The following PDLIM1 variants were observed in gnomAD, a reference collection of about 807,000 sequenced individuals.
The protein encoded by PDLIM1 is PDZ and LIM domain protein 1.
Under a neutral mutation model 35.2 loss-of-function variants are expected in PDLIM1, and 25 were observed. The observed-to-expected ratio is 0.71, with a 90% confidence interval of 0.52 to 0.99. The LOEUF (loss-of-function observed/expected upper bound fraction) is 0.99. Ranked by LOEUF, PDLIM1 falls within the 50% of genes least tolerant of loss-of-function variation. PDLIM1 has a pLI of 0.00. For missense variants in PDLIM1, 363 were observed against 415.3 expected, an observed-to-expected ratio of 0.87 and a Z score of 1.09; for synonymous variants, 152 against 154.0, an observed-to-expected ratio of 0.99 and a Z score of 0.10.
At chr10:95,274,309 T>TC (rs1325353766) in intron 1 of PDLIM1, among the ~76,000 whole-genome samples, 1 of 151,530 alleles carries the variant, frequency 6.6e-6, no homozygotes, top group Non-Finnish European at 1.5e-5. Context: ...TTTTTTTTTT[T>TC]TGAGACGGAG....
chr10:95,269,247 T>G (rs1036632314), intron 2 of PDLIM1, among the ~76,000 whole-genome samples: 4 of 152,220 alleles, frequency 2.6e-5, no homozygotes, highest in East Asian at 1.9e-4. Flanking sequence ...ATAACCAACT[T>G]ATTTGTGAAG....
At chr10:95,272,114 T>A (rs896607768) in intron 1 of PDLIM1, among the ~76,000 whole-genome samples, 1 of 152,146 alleles carries the variant, frequency 6.6e-6, no homozygotes, top group Non-Finnish European at 1.5e-5. Context: ...CTCCAACTAG[T>A]GTATTACTGA....
intron 3 of PDLIM1, among the ~76,000 whole-genome samples, chr10:95,266,385 G>A (rs1050894183): frequency 5.9e-5 from 9 of 152,028 alleles, no homozygotes; most frequent in South Asian, 2.1e-4. Flanking sequence ...TACATGTGCC[G>A]CAGCCAGGAT....
intron 1 of PDLIM1, among the ~76,000 whole-genome samples, chr10:95,282,714 C>T (rs770160186): frequency 2.6e-5 from 4 of 152,264 alleles, no homozygotes; most frequent in African/African-American, 7.2e-5. Flanking sequence ...CCGAGATGGG[C>T]GGATCACTTG....
At chr10:95,288,753 ACT>A (rs1436996047) in intron 1 of PDLIM1, among the ~76,000 whole-genome samples, 1 of 152,198 alleles carries the variant, frequency 6.6e-6, no homozygotes, top group African/African-American at 2.4e-5. Context: ...CAAATAAATT[ACT>A]GTCAGCATGA....
At chr10:95,269,465 G>A (rs1007419332) in intron 2 of PDLIM1, among the ~76,000 whole-genome samples, 1 of 151,704 alleles carries the variant, frequency 6.6e-6, no homozygotes, top group Non-Finnish European at 1.5e-5. Context: ...CCAGCTACTC[G>A]GGAGGCTGAG....
At chr10:95,258,895 C>G (rs745397621) in intron 4 of PDLIM1, among the ~76,000 whole-genome samples, 7 of 152,006 alleles carry the variant, frequency 4.6e-5, no homozygotes, top group African/African-American at 1.7e-4. Context: ...CCTATCGATA[C>G]AAAAACCTAA....
intron 1 of PDLIM1, among the ~76,000 whole-genome samples, chr10:95,276,896 TAAAAAAAAAAAAAA>T (rs61442624): frequency 2.9e-5 from 2 of 68,878 alleles, no homozygotes; most frequent in Admixed American, 2.2e-4. Context: ...TTCAGTTTCC[TAAAAAAAAAAAAAA>T]AAAAAAAAAA....
chr10:95,269,504 A>G (rs1484933129), intron 2 of PDLIM1, among the ~76,000 whole-genome samples: 1 of 150,314 alleles, frequency 6.7e-6, no homozygotes, highest in East Asian at 2.0e-4. Flanking sequence ...CCCAGGAGGC[A>G]GAGGTTGCAG....
At chr10:95,263,717 T>TCTC in intron 4 of PDLIM1, 147 bp downstream of exon 4, 2 of 606,046 alleles carry the variant, frequency 3.3e-6, no homozygotes, top group South Asian at 2.1e-5. Context: ...TTTGTGTAGA[T>TCTC]GAAGAAAATG....
intron 1 of PDLIM1, among the ~76,000 whole-genome samples, chr10:95,279,506 C>A (rs908637328): frequency 6.6e-6 from 1 of 152,178 alleles, no homozygotes; most frequent in Non-Finnish European, 1.5e-5. Context: ...AACCCCAACT[C>A]TAACGCTTTT....
At chr10:95,271,046 GGC>G (rs1358098891) in intron 2 of PDLIM1, among the ~76,000 whole-genome samples, 1 of 151,812 alleles carries the variant, frequency 6.6e-6, no homozygotes, top group East Asian at 1.9e-4. Context: ...CACCGCACCT[GGC>G]CAGGACATTT....
chr10:95,281,656 TTTG>T (rs1231064828), intron 1 of PDLIM1, among the ~76,000 whole-genome samples: 2 of 152,086 alleles, frequency 1.3e-5, no homozygotes, highest in Admixed American at 6.5e-5. Context: ...CATAAGTAAT[TTTG>T]TTGTTTTTTT....
chr10:95,265,346 G>C (rs1267784106), intron 3 of PDLIM1, among the ~76,000 whole-genome samples: 2 of 150,784 alleles, frequency 1.3e-5, no homozygotes, highest in African/African-American at 2.4e-5. Context: ...TGTAATCCCA[G>C]CACTTTGGGA....
chr10:95,288,235 G>A (rs1324947845), intron 1 of PDLIM1, among the ~76,000 whole-genome samples: 1 of 152,154 alleles, frequency 6.6e-6, no homozygotes, highest in Non-Finnish European at 1.5e-5. Flanking sequence ...ATATTAAGAA[G>A]CTTTAGCAGT....
chr10:95,266,590 T>C (rs1212281691), intron 3 of PDLIM1, among the ~76,000 whole-genome samples: 1 of 152,180 alleles, frequency 6.6e-6, no homozygotes, highest in Non-Finnish European at 1.5e-5. Flanking sequence ...TTTACAAGGA[T>C]TTGTGTGAGT....
At chr10:95,268,930 G>A in intron 2 of PDLIM1, 68 bp from the exon 3 acceptor site, 1 of 1,139,880 alleles carries the variant, frequency 8.8e-7, no homozygotes, top group South Asian at 1.2e-5. Flanking sequence ...AAGACAAACT[G>A]GAAAAATGCC....
Position 95,238,003 on chromosome 10 carries a change from T to G in PDLIM1, c.912A>C (p.Gln304His). 6.2e-7 allele frequency: 1 copy of G among 1,614,160 alleles called. No individual in the cohort carries two copies. The highest frequency in any genetic ancestry group is 1.6e-4 in the Middle Eastern group (1 of 6,062). The change falls in exon 7 of 7, where the codon CAA becomes CAC. Residue 304 changes from glutamine to histidine, a missense_variant. Coordinates refer to ENST00000329399, the MANE Select transcript of PDLIM1 (RefSeq NM_020992.4). ...KQKGHFFVED[Q>H]IYCEKHARER... Reference sequence around the variant, plus strand: ...CCCGGGCATGCTTCTCACAGTAGATTTGATCCTCCACAAAGAAATGGCCCT... The same window carrying G: ...CCCGGGCATGCTTCTCACAGTAGATGTGATCCTCCACAAAGAAATGGCCCT...
intron 1 of PDLIM1, among the ~76,000 whole-genome samples, chr10:95,272,142 G>A (rs766993403): frequency 2.6e-5 from 4 of 151,866 alleles, no homozygotes; most frequent in Non-Finnish European, 4.4e-5. Flanking sequence ...AACAAACCCC[G>A]AACAGATCTG....
Sources: gnomAD v4.1 joint callset for allele counts (sites outside exome capture counted in the v4.1 genomes callset) on GRCh38, gnomAD v4.1.1 for gene constraint, MANE v1.5 for transcripts, NCBI Gene and HGNC (gene_info 2026-07-23, HGNC 2026-07-21) for gene names.